Variants in OR9G4 observed in about 807,000 individuals in gnomAD.
The protein encoded by OR9G4 is olfactory receptor family 9 subfamily G member 4, also known as olfactory receptor 9G4.
OR9G4 carries 19 observed loss-of-function variants against 16.7 expected under a neutral mutation model. The observed-to-expected ratio is 1.14, with a 90% CI of 0.79 to 1.67. The LOEUF (loss-of-function observed/expected upper bound fraction) is 1.67, where lower values mean the gene tolerates loss of function less well. Among genes scored for constraint, OR9G4 ranks in the 40% most tolerant of loss-of-function variants. OR9G4 has a pLI of 0.00. For missense variants in OR9G4, 428 were observed against 370.4 expected (o/e 1.16, Z -1.28); for synonymous variants, 182 against 146.2 (o/e 1.24, Z -1.76).
intron 1 of OR9G4, among the ~76,000 whole-genome samples, chr11:56,748,299 C>G (rs1858451787): frequency 6.6e-6 from 1 of 152,164 alleles, no homozygotes; most frequent in Non-Finnish European, 1.5e-5. Flanking sequence ...TTCCTGGCAT[C>G]TCAAAATTAA....
intron 1 of OR9G4, among the ~76,000 whole-genome samples, chr11:56,744,344 G>A (rs775462091): frequency 7.9e-5 from 12 of 152,120 alleles, no homozygotes; most frequent in South Asian, 2.1e-4. Flanking sequence ...GTGAGCCATC[G>A]CACCTGGCCG....
chr11:56,747,522 T>A (rs563340678), intron 1 of OR9G4, among the ~76,000 whole-genome samples: 1 of 152,304 alleles, frequency 6.6e-6, no homozygotes, highest in Admixed American at 6.5e-5. Context: ...GCAACATCTA[T>A]ACAGCAAAAT....
rs1006289786 is a variant in OR9G4 at position 56,742,742 on chromosome 11, A to C, written c.*86T>G. ...GTTTTAAATATGACTTATTGAACTT[A>C]ATTGAACTACAGAAATGCAAATGAA... On this transcript the variant is annotated 3_prime_UTR_variant, in exon 2 of 2. Coordinates refer to ENST00000641668, the MANE Select transcript of OR9G4 (RefSeq NM_001005284.2). The C allele has an allele frequency of 1.7e-6, 2 of 1,182,318 alleles. No individual in the cohort carries two copies. Among genetic ancestry groups the C allele is most frequent in the African/African-American group, 3.1e-5 (2 of 65,178 alleles). The allele number at this position is 1,182,318 out of a possible 1,614,324, so 73.2% of individuals were successfully genotyped here. A position where few individuals can be genotyped will look rare whatever the true frequency, so the allele number is the denominator to read the frequency against.
intron 1 of OR9G4, among the ~76,000 whole-genome samples, chr11:56,744,793 G>A (rs572991006): frequency 3.1e-4 from 47 of 152,286 alleles, no homozygotes; most frequent in Non-Finnish European, 5.0e-4. Flanking sequence ...CGCTCACTCT[G>A]TCACCCCAGC....
At chr11:56,744,490 G>A (rs1394569895) in intron 1 of OR9G4, among the ~76,000 whole-genome samples, 3 of 152,104 alleles carry the variant, frequency 2.0e-5, no homozygotes, top group Admixed American at 6.5e-5. Flanking sequence ...AACTTCTTAC[G>A]TGTCAAGTAT....
rs1238266326 is a variant in OR9G4 at position 56,741,565 on chromosome 11, T to C, written c.*1263A>G. The stretch of plus-strand genomic sequence containing the variant: ...TGATAGAGGAATAAGAATGTTAAGA[T>C]TATTTTGATGGAAAGAGGTAGGATG... On this transcript the variant is annotated 3_prime_UTR_variant, in exon 2 of 2. Transcript: ENST00000641668. 1 of 152,230 alleles carries C rather than the reference T, an allele frequency of 6.6e-6. No homozygotes were observed. Among genetic ancestry groups the C allele is most frequent in the African/African-American group, 2.4e-5 (1 of 41,430 alleles). The allele number at this position is 152,230 out of a possible 1,614,324, so 9.4% of individuals were successfully genotyped here.
In OR9G4 at chr11:56,743,682, C is replaced by G. The variant is rs1266175786; in HGVS notation, c.85G>C (p.Gly29Arg). Residue 29 changes from glycine (G) to arginine (R), a missense_variant, in exon 2 of 2, where the codon GGA becomes CGA. Gly to Arg is a moderately radical substitution (Grantham distance 125). Coordinates refer to ENST00000641668, the MANE Select transcript of OR9G4 (RefSeq NM_001005284.2). ...ATCAAATAGAGCATCAGAAACACTC[C>G]AAATAGAATCGGCTGCCACTGGGAA... ...ADSQWQPILF[G>R]VFLMLYLITL... 6.2e-7 allele frequency: 1 copy of G among 1,613,940 alleles called. No homozygotes were observed. The highest frequency in any genetic ancestry group is 8.5e-7 in the Non-Finnish European group (1 of 1,179,994).
rs750078236 is a variant in OR9G4, at chr11:56,743,108, T to C, written c.659A>G (p.Asn220Ser). The C allele has an allele frequency of 3.7e-6, 6 of 1,614,190 alleles. No homozygotes were observed. In the South Asian group the frequency reaches 6.6e-5, roughly 18 times the overall value. ...GATTCTCAGGATAGCCAGGAGGATG[T>C]TGACATAGGAAATCAGGATAGCAAG... ...SILAILISYV[N>S]ILLAILRIHS... The change falls in exon 2 of 2, where the codon AAC (asparagine) becomes AGC (serine). Residue 220 changes from asparagine to serine, a missense_variant. Coordinates refer to ENST00000641668, the MANE Select transcript of OR9G4 (RefSeq NM_001005284.2).
intron 1 of OR9G4, among the ~76,000 whole-genome samples, chr11:56,744,943 G>A (rs1245969704): frequency 1.3e-5 from 2 of 152,156 alleles, no homozygotes; most frequent in African/African-American, 2.4e-5. Context: ...TTGCCCAAGT[G>A]ATATGGCATC....
In OR9G4 at chr11:56,742,974, T is replaced by C. The variant is rs1396370667; in HGVS notation, c.793A>G (p.Thr265Ala). The C allele has an allele frequency of 6.2e-7, 1 of 1,613,950 alleles. No individual in the cohort carries two copies. The highest frequency in any genetic ancestry group is 8.5e-7 in the Non-Finnish European group (1 of 1,180,016). ...LLFMYSRPSSTYSLERDKVAA... is the reference protein window; with the variant it reads ...LLFMYSRPSSAYSLERDKVAA... Reference sequence around the variant, plus strand: ...ACTTTGTCCCTCTCTAGGGAGTAGGTGGAACTAGGCCTTGAATACATAAAC... The same window carrying C: ...ACTTTGTCCCTCTCTAGGGAGTAGGCGGAACTAGGCCTTGAATACATAAAC... Residue 265 changes from threonine (T) to alanine (A), a missense_variant, in exon 2 of 2, where the codon ACC (threonine) becomes GCC (alanine). Thr to Ala is a moderately conservative substitution (Grantham distance 58, BLOSUM62 0). Transcript: ENST00000641668.
chr11:56,743,761 T>C lies in OR9G4; in HGVS notation c.6A>G (p.Glu2=). M[E]VGNCTILTEF... is the part of the protein sequence containing the mutation. ...CAGTCAGGATGGTGCAATTTCCCAC[T>C]TCCATGTCCACGGAGGTGAAAGCCT... The change falls in exon 2 of 2, where the codon GAA becomes GAG. Residue 2 remains glutamate, a synonymous_variant. Coordinates refer to ENST00000641668, the MANE Select transcript of OR9G4 (RefSeq NM_001005284.2). 1 of 1,613,842 alleles carries C rather than the reference T, an allele frequency of 6.2e-7. No individual in the cohort carries two copies. Among genetic ancestry groups the C allele is most frequent in the Middle Eastern group, 1.6e-4 (1 of 6,062 alleles).
rs774535369 is a variant in OR9G4, at chr11:56,743,268, GCAGGCGGAA to G, written c.490_498del (p.Phe164_Leu166del). 8.1e-6 allele frequency: 13 copies of G among 1,614,014 alleles called. No homozygotes were observed. In the East Asian group the frequency reaches 2.9e-4, roughly 36 times the overall value. ...TCAATGATATTTTTACCACAAAAATGCAGGCGGAATGTATTGGCAGTATGGGCTATGGCA... is the reference window on the plus strand; with the variant it reads ...TCAATGATATTTTTACCACAAAAATGTGTATTGGCAGTATGGGCTATGGCA... On this transcript the variant is annotated inframe_deletion, in exon 2 of 2. Coordinates refer to ENST00000641668, the MANE Select transcript of OR9G4 (RefSeq NM_001005284.2).
chr11:56,746,821 T>C (rs1858423961), intron 1 of OR9G4, among the ~76,000 whole-genome samples: 1 of 152,180 alleles, frequency 6.6e-6, no homozygotes, highest in Non-Finnish European at 1.5e-5. Context: ...CTTCAAAATG[T>C]ATCCTGAATC....
rs757668000 is a variant in OR9G4, at chr11:56,743,678, A to T, written c.89T>A (p.Val30Glu). 1.2e-6 allele frequency: 2 copies of T among 1,614,092 alleles called. No individual in the cohort carries two copies. The highest frequency in any genetic ancestry group is 1.6e-4 in the Middle Eastern group (1 of 6,062). The change falls in exon 2 of 2, where the codon GTG becomes GAG. Residue 30 changes from valine (V) to glutamate (E), a missense_variant. Coordinates refer to ENST00000641668, the MANE Select transcript of OR9G4 (RefSeq NM_001005284.2). ...DSQWQPILFG[V>E]FLMLYLITLS... ...GGTTATCAAATAGAGCATCAGAAAC[A>T]CTCCAAATAGAATCGGCTGCCACTG...
chr11:56,743,135 A>C lies in OR9G4; in HGVS notation c.632T>G (p.Ile211Ser). The change falls in exon 2 of 2, where the codon ATT becomes AGT. Residue 211 changes from isoleucine to serine, a missense_variant. Ile to Ser is a moderately radical substitution (Grantham distance 142, BLOSUM62 -2). Transcript: ENST00000641668. ...GVVGFTVLSS[I>S]LAILISYVNI... is the part of the protein sequence containing the mutation. ...GACATAGGAAATCAGGATAGCAAGA[A>C]TGCTGGAGAGTACTGTGAAGCCCAC... 6.2e-7 allele frequency: 1 copy of C among 1,614,104 alleles called. No homozygotes were observed. The highest frequency in any genetic ancestry group is 8.5e-7 in the Non-Finnish European group (1 of 1,179,948).
chr11:56,743,301 C>A lies in OR9G4; in HGVS notation c.466G>T (p.Ala156Ser), dbSNP rs1168605579. The A allele has an allele frequency of 3.1e-6, 5 of 1,614,024 alleles. No individual in the cohort carries two copies. The Admixed American group carries it at 8.3e-5, about 27-fold the overall frequency. ...AGSYIGGFLN[A>S]IAHTANTFRL... Reference sequence around the variant, plus strand: ...AATGTATTGGCAGTATGGGCTATGGCATTCAAAAATCCTCCTATGTAGGAG... The same window carrying A: ...AATGTATTGGCAGTATGGGCTATGGAATTCAAAAATCCTCCTATGTAGGAG... Residue 156 changes from alanine to serine, a missense_variant, in exon 2 of 2, where the codon GCC becomes TCC. Ala to Ser is a moderately conservative substitution (Grantham distance 99, BLOSUM62 1). Transcript: ENST00000641668.
Position 56,743,722 on chromosome 11 carries a change from C to T in OR9G4, c.45G>A (p.Leu15=), listed in dbSNP as rs141053232. Residue 15 remains leucine, a synonymous_variant, in exon 2 of 2, where the codon TTG becomes TTA. Coordinates refer to ENST00000641668, the MANE Select transcript of OR9G4 (RefSeq NM_001005284.2). ...GCCACTGGGAATCTGCTGAGAAACC[C>T]AACAAGATGAATTCAGTCAGGATGG... is the stretch of plus-strand genomic sequence containing the variant. The part of the protein sequence containing the change: ...NCTILTEFIL[L]GFSADSQWQP... 1.5e-5 allele frequency: 24 copies of T among 1,614,134 alleles called. No homozygotes were observed. Among genetic ancestry groups the T allele is most frequent in the Non-Finnish European group, 2.0e-5 (24 of 1,179,976 alleles).
chr11:56,745,632 C>T lies in OR9G4; in HGVS notation c.-22-1844G>A, dbSNP rs547206488. ...CTGTCTCTACTAAAAATCAGCCAGG[C>T]GTGGTGGTACACGGCTGTAATCCCA... On this transcript the variant is annotated intron_variant, in intron 1 of 1. Transcript: ENST00000641668. 3.3e-5 allele frequency among the ~76,000 whole-genome samples: 5 copies of T among 152,006 alleles called. No homozygotes were observed. In the South Asian group the frequency reaches 8.3e-4, roughly 25 times the overall value.
At chr11:56,743,925 C>A in intron 1 of OR9G4, 137 bp from the exon 2 acceptor site, 7 of 971,146 alleles carry the variant, frequency 7.2e-6, no homozygotes, top group East Asian at 2.5e-5. Flanking sequence ...GGACTTCAGT[C>A]CATGATTTGG....
Sources: gnomAD v4.1 joint callset for allele counts (sites outside exome capture counted in the v4.1 genomes callset) on GRCh38, gnomAD v4.1.1 for gene constraint, MANE v1.5 for transcripts, NCBI Gene and HGNC (gene_info 2026-07-23, HGNC 2026-07-21) for gene names.